SRBD1: variants seen among roughly 807,000 people sequenced by gnomAD.
The protein encoded by SRBD1 is S1 RNA binding domain 1.
A neutral mutation model predicts 115.3 loss-of-function variants in SRBD1; 88 were observed. That is an observed-to-expected ratio of 0.76 (90% confidence interval 0.64 to 0.91). The LOEUF is 0.91. SRBD1 is among the 40% of genes least tolerant of loss of function. The probability of loss-of-function intolerance (pLI) is 0.00; values close to 1 mark genes in which losing one functional copy is unlikely to be tolerated. For missense variants in SRBD1, 1,385 were observed against 1,177.4 expected (o/e 1.18, Z -2.58); for synonymous variants, 509 against 407.7 (o/e 1.25, Z -2.99).
intron 16 of SRBD1, among the ~76,000 whole-genome samples, chr2:45,448,600 A>T (rs1204739442): frequency 6.6e-6 from 1 of 152,186 alleles, no homozygotes; most frequent in Non-Finnish European, 1.5e-5. Flanking sequence ...CTTGTGCCCT[A>T]ACGACCTTCA....
At position 45,583,171 on chromosome 2, in the gene SRBD1, C is replaced by G. The variant is rs1479868971; in HGVS notation, c.816-1361G>C. Among the ~76,000 whole-genome samples, 3 of 149,010 alleles carry G rather than the reference C, an allele frequency of 2.0e-5. No homozygotes were observed. The East Asian group carries it at 5.9e-4, about 29-fold the overall frequency. On this transcript the variant is annotated intron_variant, in intron 5 of 20. Transcript: ENST00000263736. ...GTTAGAGATGATAATATGATTTATTCAAAATGATCGATGGAAAAGAAAATT... is the reference window on the plus strand; with the variant it reads ...GTTAGAGATGATAATATGATTTATTGAAAATGATCGATGGAAAAGAAAATT...
At chr2:45,584,584 T>C (rs1377658372) in intron 5 of SRBD1, among the ~76,000 whole-genome samples, 2 of 152,218 alleles carry the variant, frequency 1.3e-5, no homozygotes, top group African/African-American at 4.8e-5. Context: ...CATAGTAGAA[T>C]GATAATCCAA....
intron 14 of SRBD1, among the ~76,000 whole-genome samples, chr2:45,542,906 T>C (rs1292232778): frequency 1.3e-5 from 2 of 152,138 alleles, no homozygotes; most frequent in African/African-American, 4.8e-5. Context: ...AAGGATGAAA[T>C]CTCAAAATAA....
chr2:45,549,361 C>T (rs1672219852), intron 12 of SRBD1, among the ~76,000 whole-genome samples: 1 of 151,206 alleles, frequency 6.6e-6, no homozygotes, highest in Non-Finnish European at 1.5e-5. Flanking sequence ...ACAGTGAGAA[C>T]AACTTGCCTG....
At chr2:45,529,548 T>G (rs1442900973) in intron 14 of SRBD1, among the ~76,000 whole-genome samples, 2 of 151,822 alleles carry the variant, frequency 1.3e-5, no homozygotes, top group African/African-American at 4.8e-5. Context: ...CAATAAAAAT[T>G]TTATTAAAAT....
intron 14 of SRBD1, among the ~76,000 whole-genome samples, chr2:45,532,927 C>T (rs1671656786): frequency 2.6e-5 from 4 of 152,152 alleles, no homozygotes; most frequent in African/African-American, 9.6e-5. Flanking sequence ...AGGATCTCAA[C>T]AAAGGATTTC....
chr2:45,502,945 A>G (rs1572709373), intron 14 of SRBD1, among the ~76,000 whole-genome samples: 1 of 152,154 alleles, frequency 6.6e-6, no homozygotes, highest in African/African-American at 2.4e-5. Context: ...TTGGCCTGCC[A>G]AAGTGCTGGG....
intron 16 of SRBD1, among the ~76,000 whole-genome samples, chr2:45,472,627 C>G (rs554958367): frequency 6.6e-6 from 1 of 152,150 alleles, no homozygotes; most frequent in African/African-American, 2.4e-5. Context: ...AGGCCAGGTG[C>G]GTGTCACCAT....
rs1201095426 is a variant in SRBD1 at position 45,489,792 on chromosome 2, A to G, written c.1875-1461T>C. Among the ~76,000 whole-genome samples, 3 of 152,170 alleles carry G rather than the reference A, an allele frequency of 2.0e-5. No individual in the cohort carries two copies. In the East Asian group the frequency reaches 5.8e-4, roughly 29 times the overall value. On this transcript the variant is annotated intron_variant, in intron 14 of 20. Coordinates refer to ENST00000263736, the MANE Select transcript of SRBD1 (RefSeq NM_018079.5). ...CTAACCTGCTTGATTTCCAAGTCTG[A>G]GCCCTTAACCAGCACAACCAGGTAA...
intron 14 of SRBD1, among the ~76,000 whole-genome samples, chr2:45,545,096 C>A (rs1196703757): frequency 6.6e-6 from 1 of 151,440 alleles, no homozygotes; most frequent in South Asian, 2.1e-4. Context: ...CTGGCTAACA[C>A]GGTGAAACTC....
intron 16 of SRBD1, among the ~76,000 whole-genome samples, chr2:45,471,569 A>G (rs902079195): frequency 6.6e-6 from 1 of 152,172 alleles, no homozygotes; most frequent in Non-Finnish European, 1.5e-5. Flanking sequence ...TTACAAGTGC[A>G]TTTTAATAGG....
intron 6 of SRBD1, among the ~76,000 whole-genome samples, chr2:45,580,718 C>G (rs1673333553): frequency 8.0e-6 from 1 of 124,284 alleles, no homozygotes; most frequent in South Asian, 2.5e-4. Flanking sequence ...TGGAGTCTTG[C>G]CCTGTAGCCC....
intron 15 of SRBD1, among the ~76,000 whole-genome samples, chr2:45,486,739 T>A (rs1052779160): frequency 1.2e-4 from 18 of 145,010 alleles, no homozygotes; most frequent in Middle Eastern, 3.6e-3. Flanking sequence ...TCAAAAAAAA[T>A]AAAATAAAAT....
rs540110571 is a variant in SRBD1, at chr2:45,414,220, T to A, written c.2334-927A>T. Among the ~76,000 whole-genome samples the A allele has an allele frequency of 2.0e-5, 3 of 152,212 alleles. No individual in the cohort carries two copies. In the East Asian group the frequency reaches 5.8e-4, roughly 29 times the overall value. On this transcript the variant is annotated intron_variant, in intron 18 of 20. Coordinates refer to ENST00000263736, the MANE Select transcript of SRBD1 (RefSeq NM_018079.5). ...CAAGTAGGAGGGCAAATTGAAATCA[T>A]TTGCAGGTATGTAAGGACTTAAGTA...
rs952190235 is a variant in SRBD1, at chr2:45,570,324, T to A, written c.1305+2883A>T. The stretch of plus-strand genomic sequence containing the variant: ...TAAAACAAGAGTAGGGAGAGTGGGG[T>A]CAATTTCCTTTAAGAAAGCACAGGT... On this transcript the variant is annotated intron_variant, in intron 9 of 20. Coordinates refer to ENST00000263736, the MANE Select transcript of SRBD1 (RefSeq NM_018079.5). Among the ~76,000 whole-genome samples, 23 of 152,254 alleles carry A rather than the reference T, an allele frequency of 1.5e-4. No individual in the cohort carries two copies. In the South Asian group the frequency reaches 4.6e-3, roughly 30 times the overall value.
chr2:45,586,568 C>G (rs1673529116), intron 4 of SRBD1, among the ~76,000 whole-genome samples: 1 of 151,954 alleles, frequency 6.6e-6, no homozygotes, highest in Admixed American at 6.6e-5. Flanking sequence ...TTTTTTGAGA[C>G]AGTGTCTCGC....
intron 1 of SRBD1, among the ~76,000 whole-genome samples, chr2:45,608,814 A>G (rs140532379): frequency 2.0e-5 from 3 of 151,592 alleles, no homozygotes; most frequent in African/African-American, 7.3e-5. Flanking sequence ...AGAACCTTGA[A>G]AAAAAAAATT....
intron 14 of SRBD1, among the ~76,000 whole-genome samples, chr2:45,526,961 G>A (rs1414384884): frequency 1.3e-5 from 2 of 151,856 alleles, no homozygotes; most frequent in Non-Finnish European, 2.9e-5. Flanking sequence ...TACTGATAAC[G>A]TTACATGTCT....
At chr2:45,504,778 A>C (rs993094732) in intron 14 of SRBD1, among the ~76,000 whole-genome samples, 6 of 152,144 alleles carry the variant, frequency 3.9e-5, no homozygotes, top group African/African-American at 1.4e-4. Context: ...CAAGGACCTT[A>C]AACAGGAGGT....
Sources: allele counts gnomAD v4.1 joint callset (sites outside exome capture counted in the v4.1 genomes callset), GRCh38; gene constraint gnomAD v4.1.1; transcripts MANE v1.5; gene names NCBI Gene and HGNC (gene_info 2026-07-23, HGNC 2026-07-21).